ZSCAN5A: variants seen among roughly 807,000 people sequenced by gnomAD.
The protein encoded by ZSCAN5A is zinc finger and SCAN domain containing 5A, also known as zinc finger and SCAN domain-containing protein 5A.
A neutral mutation model predicts 23.7 loss-of-function variants in ZSCAN5A; 12 were observed. The ratio of observed to expected loss-of-function variants is 0.51; its 90% CI spans 0.32 to 0.82. The LOEUF (loss-of-function observed/expected upper bound fraction) is 0.82. ZSCAN5A is among the 40% of genes least tolerant of loss of function. The pLI is 0.03. For missense variants in ZSCAN5A, 597 were observed against 617.9 expected (o/e 0.97, Z 0.36); for synonymous variants, 257 against 239.9 (o/e 1.07, Z -0.66).
intron 2 of ZSCAN5A, among the ~76,000 whole-genome samples, chr19:56,255,456 C>T (rs1352667101): frequency 2.0e-5 from 3 of 152,080 alleles, no homozygotes; most frequent in Non-Finnish European, 2.9e-5. Context: ...AAACAAAAAA[C>T]CCAACCTGCC....
intron 2 of ZSCAN5A, among the ~76,000 whole-genome samples, chr19:56,270,663 A>G (rs2037781055): frequency 6.6e-6 from 1 of 152,196 alleles, no homozygotes; most frequent in African/African-American, 2.4e-5. Flanking sequence ...TAAATTGTAT[A>G]AACTTGAACA....
intron 2 of ZSCAN5A, among the ~76,000 whole-genome samples, chr19:56,334,532 G>A (rs987798978): frequency 1.6e-4 from 25 of 152,096 alleles, no homozygotes; most frequent in Non-Finnish European, 7.3e-5. Context: ...TTTGATATAA[G>A]CATGCAATGC....
chr19:56,269,692 G>A (rs1394888173), intron 2 of ZSCAN5A, among the ~76,000 whole-genome samples: 1 of 152,204 alleles, frequency 6.6e-6, no homozygotes, highest in African/African-American at 2.4e-5. Context: ...CTGAAAATGG[G>A]AGAGGGTTGG....
intron 2 of ZSCAN5A, among the ~76,000 whole-genome samples, chr19:56,339,358 G>A (rs12972607): frequency 1.4e-5 from 2 of 144,510 alleles, no homozygotes; most frequent in Non-Finnish European, 3.0e-5. Flanking sequence ...AGCAATATGT[G>A]AAGGAGCGGC....
At chr19:56,315,662 C>T (rs2041295922), upstream of ZSCAN5A, 1 of 152,292 alleles carries the variant, frequency 6.6e-6, no homozygotes, top group African/African-American at 2.4e-5. Flanking sequence ...TGACCTTTCA[C>T]CCTCTCTGGG....
chr19:56,232,137 G>A (rs553053050), intron 2 of ZSCAN5A, among the ~76,000 whole-genome samples: 29 of 151,670 alleles, frequency 1.9e-4, no homozygotes, highest in East Asian at 1.7e-3. Flanking sequence ...CACTATGTCC[G>A]GCTAATTTTT....
chr19:56,302,532 C>CCCCA (rs752555827), intron 2 of ZSCAN5A, among the ~76,000 whole-genome samples: 3 of 26,678 alleles, frequency 1.1e-4, no homozygotes, highest in Non-Finnish European at 2.6e-4. Flanking sequence ...CTCCCTCCCT[C>CCCCA]TTCTTCCTCC....
intron 4 of ZSCAN5A, 73 bp from the exon 5 acceptor site, chr19:56,222,814 C>A: frequency 6.3e-7 from 1 of 1,599,024 alleles, no homozygotes; most frequent in African/African-American, 1.3e-5. Context: ...CTGTCCCCTT[C>A]TGATTGGATG....
chr19:56,261,324 G>A (rs1007213472), intron 2 of ZSCAN5A, among the ~76,000 whole-genome samples: 1 of 152,192 alleles, frequency 6.6e-6, no homozygotes, highest in Non-Finnish European at 1.5e-5. Flanking sequence ...TGATCTCCCA[G>A]TGGTAGCTCA....
At chr19:56,324,641 C>CAAA (rs35806754) in intron 2 of ZSCAN5A, among the ~76,000 whole-genome samples, 5 of 81,798 alleles carry the variant, frequency 6.1e-5, no homozygotes, top group Admixed American at 2.8e-4. Flanking sequence ...TGTACATGTT[C>CAAA]AAAAAAAAAA....
chr19:56,328,025 CAT>C (rs1427921218), intron 2 of ZSCAN5A, among the ~76,000 whole-genome samples: 3 of 152,016 alleles, frequency 2.0e-5, no homozygotes, highest in Admixed American at 2.0e-4. Flanking sequence ...AGTATATCCA[CAT>C]AGTTAGAAGT....
intron 2 of ZSCAN5A, among the ~76,000 whole-genome samples, chr19:56,357,454 C>T (rs1600302243): frequency 6.8e-6 from 1 of 147,626 alleles, no homozygotes; most frequent in South Asian, 2.2e-4. Flanking sequence ...ACTCCCTCAC[C>T]CCAAACCTTC....
chr19:56,268,121 A>G (rs2037600114), intron 2 of ZSCAN5A, among the ~76,000 whole-genome samples: 1 of 152,158 alleles, frequency 6.6e-6, no homozygotes, highest in Non-Finnish European at 1.5e-5. Flanking sequence ...TATCTAGGAT[A>G]GATGTGAAGG....
chr19:56,227,891 A>C (rs2146447854), intron 2 of ZSCAN5A, among the ~76,000 whole-genome samples: 1 of 147,990 alleles, frequency 6.8e-6, no homozygotes, highest in South Asian at 2.2e-4. Flanking sequence ...CCATCTCTGC[A>C]AAAAAAAAAT....
intron 2 of ZSCAN5A, among the ~76,000 whole-genome samples, chr19:56,350,641 G>A (rs953603186): frequency 1.3e-5 from 2 of 152,050 alleles, no homozygotes; most frequent in African/African-American, 2.4e-5. Context: ...AATGTACACC[G>A]ACATCTAGTG....
chr19:56,265,678 GAA>G (rs1050529615), intron 2 of ZSCAN5A, among the ~76,000 whole-genome samples: 1 of 152,046 alleles, frequency 6.6e-6, no homozygotes, highest in Admixed American at 6.6e-5. Context: ...GTGGGTTTGG[GAA>G]AGAGTGAAGC....
Position 56,261,604 on chromosome 19 carries a change from TGAGAGAGAGAGG to T in ZSCAN5A, c.-127-36443_-127-36432del, listed in dbSNP as rs890056132. On this transcript the variant is annotated intron_variant, in intron 2 of 5. Coordinates refer to ENST00000683990, the MANE Select transcript of ZSCAN5A (RefSeq NM_001322064.3). ...GACTGGATCAGATCCAGGAGCAAAT[TGAGAGAGAGAGG>T]GAGAGAGAGAGGGAGACAGAGAGAG... Among the ~76,000 whole-genome samples, 48 of 151,220 alleles carry T rather than the reference TGAGAGAGAGAGG, an allele frequency of 3.2e-4. 1 individual carries two copies. The South Asian group carries it at 7.5e-3, about 24-fold the overall frequency.
At chr19:56,328,890 G>A (rs1478482950) in intron 2 of ZSCAN5A, among the ~76,000 whole-genome samples, 1 of 151,504 alleles carries the variant, frequency 6.6e-6, no homozygotes, top group East Asian at 2.0e-4. Context: ...AGCTGCTGGG[G>A]AGGCTGAGGC....
chr19:56,302,432 CT>C (rs2040316230), intron 2 of ZSCAN5A, among the ~76,000 whole-genome samples: 1 of 109,082 alleles, frequency 9.2e-6, no homozygotes, highest in African/African-American at 4.1e-5. Context: ...CCCTTTCTCC[CT>C]TCCTTCCTTT....
Sources: gnomAD v4.1 joint callset for allele counts (sites outside exome capture counted in the v4.1 genomes callset) on GRCh38, gnomAD v4.1.1 for gene constraint, MANE v1.5 for transcripts, NCBI Gene and HGNC (gene_info 2026-07-23, HGNC 2026-07-21) for gene names.